The following GDAP1 variants were observed in gnomAD, a reference collection of about 807,000 sequenced individuals.
GDAP1 encodes the protein ganglioside-induced differentiation-associated protein 1.
In GDAP1, 34 loss-of-function variants were observed where a neutral mutation model predicts 40.1. The observed-to-expected ratio is 0.85, with a 90% CI of 0.64 to 1.13. GDAP1 has a LOEUF of 1.13. Ranked by LOEUF, GDAP1 falls within the 50% of genes most tolerant of loss-of-function variation. The probability of loss-of-function intolerance (pLI) is 0.00; values close to 1 mark genes in which losing one functional copy is unlikely to be tolerated. For missense variants in GDAP1, 374 were observed against 433.7 expected, an observed-to-expected ratio of 0.86 and a Z score of 1.22; for synonymous variants, 170 against 157.4, an observed-to-expected ratio of 1.08 and a Z score of -0.60.
At chr8:74,459,225 G>A (rs182606157) in intron 2 of GDAP1, among the ~76,000 whole-genome samples, 34 of 152,182 alleles carry the variant, frequency 2.2e-4, no homozygotes, top group African/African-American at 8.0e-4. Flanking sequence ...ACTCAAACAA[G>A]CTCTACTTTT....
intron 2 of GDAP1, among the ~76,000 whole-genome samples, chr8:74,430,701 G>A (rs1388916042): frequency 3.3e-5 from 5 of 151,644 alleles, no homozygotes; most frequent in South Asian, 2.1e-4. Flanking sequence ...AATATTTTAC[G>A]TAATTACAAA....
rs1288304799 is a variant in GDAP1 at position 74,352,755 on chromosome 8, T to A, written c.310+1289T>A. 2.0e-5 allele frequency among the ~76,000 whole-genome samples: 3 copies of A among 152,318 alleles called. No homozygotes were observed. In the East Asian group the frequency reaches 5.8e-4, roughly 29 times the overall value. On this transcript the variant is annotated intron_variant, in intron 2 of 5. Coordinates refer to ENST00000220822, the MANE Select transcript of GDAP1 (RefSeq NM_018972.4). ...GTACTGAAAATGACAACTAGTTCAT[T>A]TAAGAGAATTTTTCTCAATCTTGAG...
Position 74,483,346 on chromosome 8 carries a change from C to T in GDAP1, c.166-5332C>T, listed in dbSNP as rs550728527. On this transcript the variant is annotated intron_variant, in intron 2 of 2. Transcript: ENST00000523640. ...TGAACCATAGTTTTTCAGAATAAGG[C>T]TTTACACAGACTATTAGGTTGGTGC... Among the ~76,000 whole-genome samples, 10 of 152,170 alleles carry T rather than the reference C, an allele frequency of 6.6e-5. No homozygotes were observed. In the South Asian group the frequency reaches 2.1e-3, roughly 32 times the overall value.
intron 2 of GDAP1, among the ~76,000 whole-genome samples, chr8:74,354,364 A>G (rs1809008867): frequency 6.6e-6 from 1 of 152,180 alleles, no homozygotes. Flanking sequence ...ATTGAAACAG[A>G]TGTTAGCCTG....
intron 2 of GDAP1, among the ~76,000 whole-genome samples, chr8:74,442,122 T>C (rs763042230): frequency 5.9e-5 from 9 of 152,236 alleles, no homozygotes; most frequent in Non-Finnish European, 1.3e-4. Context: ...CATAATACTG[T>C]GTAGTCACAT....
At chr8:74,459,236 C>CA (rs1002527321) in intron 2 of GDAP1, among the ~76,000 whole-genome samples, 62 of 151,720 alleles carry the variant, frequency 4.1e-4, no homozygotes, top group African/African-American at 1.1e-3. Context: ...CTCTACTTTT[C>CA]AAAAAAAGAG....
intron 2 of GDAP1, among the ~76,000 whole-genome samples, chr8:74,356,684 G>T (rs201085412): frequency 6.1e-4 from 82 of 135,296 alleles, no homozygotes; most frequent in African/African-American, 2.0e-3. Context: ...GTGTGTGTGT[G>T]TGTGTGTTTG....
intron 2 of GDAP1, among the ~76,000 whole-genome samples, chr8:74,358,099 G>C (rs1043335863): frequency 6.6e-6 from 1 of 152,196 alleles, no homozygotes; most frequent in East Asian, 1.9e-4. Flanking sequence ...GGTATCTCAT[G>C]CTCTGACAGA....
At chr8:74,362,234 C>T (rs1411648285) in intron 4 of GDAP1, among the ~76,000 whole-genome samples, 2 of 152,110 alleles carry the variant, frequency 1.3e-5, no homozygotes, top group African/African-American at 2.4e-5. Flanking sequence ...AAAGGAAGTT[C>T]ATAACATATT....
rs1035842295 is a variant in GDAP1 at position 74,408,477 on chromosome 8, T to C, written c.165+57156T>C. 1.1e-4 allele frequency among the ~76,000 whole-genome samples: 17 copies of C among 149,980 alleles called. 1 individual carries two copies. The highest frequency in any genetic ancestry group is 2.1e-4 in the Non-Finnish European group (14 of 68,018). On this transcript the variant is annotated intron_variant, in intron 2 of 2. Transcript: ENST00000523640. ...CTCATGAATGGGATTAGCGTCCTTA[T>C]AAAAGAGGCTTCAGAGAGCTGCCTT...
intron 2 of GDAP1, among the ~76,000 whole-genome samples, chr8:74,400,630 G>C (rs991317613): frequency 2.1e-4 from 31 of 150,080 alleles, no homozygotes; most frequent in Non-Finnish European, 3.5e-4. Flanking sequence ...GTTAGTTGAT[G>C]CAGTTTCTTC....
intron 2 of GDAP1, among the ~76,000 whole-genome samples, chr8:74,441,249 T>G (rs1806158799): frequency 6.6e-6 from 1 of 152,144 alleles, no homozygotes; most frequent in Non-Finnish European, 1.5e-5. Flanking sequence ...TTCAGGACAT[T>G]GTGCCTTTTG....
chr8:74,372,203 A>G (rs182409216), intron 2 of GDAP1, among the ~76,000 whole-genome samples: 10 of 152,216 alleles, frequency 6.6e-5, no homozygotes, highest in Admixed American at 1.3e-4. Context: ...AGTCTTTGGT[A>G]TTGTGAATAG....
chr8:74,436,816 G>C (rs1014947942), intron 2 of GDAP1, among the ~76,000 whole-genome samples: 1 of 152,040 alleles, frequency 6.6e-6, no homozygotes, highest in African/African-American at 2.4e-5. Flanking sequence ...GAGATAATCA[G>C]TTTCTGTTTC....
At chr8:74,397,484 T>C (rs1233545484) in intron 2 of GDAP1, among the ~76,000 whole-genome samples, 3 of 152,142 alleles carry the variant, frequency 2.0e-5, no homozygotes, top group African/African-American at 7.2e-5. Flanking sequence ...GTTTTTATGG[T>C]TTTAGGTCTA....
chr8:74,412,970 G>A (rs893993388), intron 2 of GDAP1, among the ~76,000 whole-genome samples: 1 of 140,074 alleles, frequency 7.1e-6, no homozygotes, highest in Non-Finnish European at 1.5e-5. Context: ...GGGAGGCTGA[G>A]GCAGGAGAAT....
chr8:74,400,271 T>C (rs967407751), intron 2 of GDAP1, among the ~76,000 whole-genome samples: 15 of 150,086 alleles, frequency 1.0e-4, no homozygotes, highest in Admixed American at 2.0e-4. Flanking sequence ...TAGTTAGCTC[T>C]TCTTGTTGAA....
At position 74,352,274 on chromosome 8, in the gene GDAP1, T is replaced by G. The variant is rs137938865; in HGVS notation, c.310+808T>G. On this transcript the variant is annotated intron_variant, in intron 2 of 5. Transcript: ENST00000220822. ...TGAAGTGAACTGTAGCTTCAAAGAG[T>G]TACCAAAGACTACACAGCTGATCAC... Among the ~76,000 whole-genome samples, 10 of 152,312 alleles carry G rather than the reference T, an allele frequency of 6.6e-5. No homozygotes were observed. The East Asian group carries it at 7.7e-4, about 12-fold the overall frequency.
intron 2 of GDAP1, among the ~76,000 whole-genome samples, chr8:74,420,463 A>G (rs1343285988): frequency 6.6e-6 from 1 of 152,196 alleles, no homozygotes; most frequent in Non-Finnish European, 1.5e-5. Context: ...ATTGTAGGTT[A>G]GCATAGAATA....
Sources: gnomAD v4.1 joint callset for allele counts (sites outside exome capture counted in the v4.1 genomes callset) on GRCh38, gnomAD v4.1.1 for gene constraint, MANE v1.5 for transcripts, NCBI Gene and HGNC (gene_info 2026-07-23, HGNC 2026-07-21) for gene names.